Variants in SGCD observed in about 807,000 individuals in gnomAD.
SGCD encodes sarcoglycan delta.
SGCD carries 18 observed loss-of-function variants against 36.6 expected under a neutral mutation model. The observed-to-expected ratio is 0.49, with a 90% CI of 0.34 to 0.73. The LOEUF (loss-of-function observed/expected upper bound fraction) is 0.73, where lower values mean the gene tolerates loss of function less well. Ranked by LOEUF, SGCD falls within the 30% of genes least tolerant of loss-of-function variation. The pLI is 0.01. For synonymous variants in SGCD, 133 were observed against 130.6 expected, an observed-to-expected ratio of 1.02 and a Z score of -0.12; for missense variants, 387 against 346.7, an observed-to-expected ratio of 1.12 and a Z score of -0.92.
At chr5:156,672,220 G>C (rs1753326648) in intron 7 of SGCD, among the ~76,000 whole-genome samples, 1 of 152,166 alleles carries the variant, frequency 6.6e-6, no homozygotes, top group East Asian at 1.9e-4. Flanking sequence ...TCATATTGGA[G>C]TGTTGGAGGT....
chr5:156,722,611 A>G (rs1755564842), intron 7 of SGCD, among the ~76,000 whole-genome samples: 1 of 152,350 alleles, frequency 6.6e-6, no homozygotes, highest in South Asian at 2.1e-4. Flanking sequence ...CTAAAATACA[A>G]TGTGTACTTT....
Position 156,761,650 on chromosome 5 carries a change from A to G in SGCD, c.*2260A>G, listed in dbSNP as rs1248169584. On this transcript the variant is annotated 3_prime_UTR_variant, in exon 9 of 9. Transcript: ENST00000337851. ...ATTTTTTAAAGTAGACTGTCTTTGC[A>G]TTTTGCCATCTGAAGTTCATTAATC... 1.3e-5 allele frequency: 2 copies of G among 152,186 alleles called. No individual in the cohort carries two copies. The highest frequency in any genetic ancestry group is 2.9e-5 in the Non-Finnish European group (2 of 68,034). The allele number at this position is 152,186 out of a possible 1,614,324, so 9.4% of individuals were successfully genotyped here. A position where few individuals can be genotyped will look rare whatever the true frequency, so the allele number is the denominator to read the frequency against.
intron 1 of SGCD, among the ~76,000 whole-genome samples, chr5:155,974,885 C>A (rs921232468): frequency 6.6e-5 from 10 of 151,986 alleles, no homozygotes; most frequent in Non-Finnish European, 1.3e-4. Flanking sequence ...ACCTCTCTAA[C>A]CCCCCATCCT....
chr5:156,118,333 C>A (rs986010895), intron 2 of SGCD, among the ~76,000 whole-genome samples: 4 of 152,072 alleles, frequency 2.6e-5, no homozygotes, highest in African/African-American at 9.7e-5. Flanking sequence ...ATCATACATA[C>A]TCTTACTGTT....
intron 3 of SGCD, among the ~76,000 whole-genome samples, chr5:156,504,284 A>G (rs1756592689): frequency 6.6e-6 from 1 of 151,614 alleles, no homozygotes; most frequent in African/African-American, 2.4e-5. Flanking sequence ...AGACATACAA[A>G]GTATTAAATA....
At chr5:156,280,364 A>G (rs1392264986) in intron 3 of SGCD, among the ~76,000 whole-genome samples, 2 of 152,200 alleles carry the variant, frequency 1.3e-5, no homozygotes, top group Non-Finnish European at 2.9e-5. Flanking sequence ...AACAATGTAC[A>G]ATGAGAATGG....
chr5:156,415,560 G>T (rs1467538785), intron 3 of SGCD, among the ~76,000 whole-genome samples: 1 of 152,138 alleles, frequency 6.6e-6, no homozygotes, highest in African/African-American at 2.4e-5. Context: ...TCACATCCTT[G>T]ACTGGTCTTG....
At chr5:155,787,303 T>C in the SGCD span, among the ~76,000 whole-genome samples, 1 of 152,320 alleles carries the variant, frequency 6.6e-6, no homozygotes, top group East Asian at 1.9e-4. Context: ...AAGGGAATAC[T>C]GCACATGCCT....
intron 3 of SGCD, among the ~76,000 whole-genome samples, chr5:156,278,717 G>T (rs1217549861): frequency 6.6e-6 from 1 of 152,160 alleles, no homozygotes; most frequent in Non-Finnish European, 1.5e-5. Context: ...TTTCATTGCA[G>T]TGTAACTGCA....
At chr5:156,059,459 A>G (rs949166874) in intron 1 of SGCD, among the ~76,000 whole-genome samples, 16 of 146,460 alleles carry the variant, frequency 1.1e-4, no homozygotes, top group African/African-American at 3.9e-4. Flanking sequence ...TGCATTAGAA[A>G]TCCAAGATTG....
chr5:155,894,311 G>A (rs758674349), intron 1 of SGCD, among the ~76,000 whole-genome samples: 2 of 151,872 alleles, frequency 1.3e-5, no homozygotes, highest in Non-Finnish European at 2.9e-5. Context: ...GAAATTTTTC[G>A]GCTCCATTAT....
the SGCD span, among the ~76,000 whole-genome samples, chr5:155,728,008 A>G: frequency 6.6e-6 from 1 of 150,874 alleles, no homozygotes; most frequent in Non-Finnish European, 1.5e-5. Flanking sequence ...AGCTCCCCCC[A>G]CCCCGCCCGC....
At chr5:156,179,758 G>A (rs1240480390) in intron 3 of SGCD, among the ~76,000 whole-genome samples, 1 of 151,794 alleles carries the variant, frequency 6.6e-6, no homozygotes. Flanking sequence ...CCAGTAGTTG[G>A]AATTACAAGT....
At chr5:156,372,255 G>A (rs1364059532) in intron 3 of SGCD, among the ~76,000 whole-genome samples, 1 of 152,160 alleles carries the variant, frequency 6.6e-6, no homozygotes, top group South Asian at 2.1e-4. Flanking sequence ...AAGAGGTATG[G>A]TATCGTGGGA....
At chr5:156,187,336 G>A (rs148086718) in intron 3 of SGCD, among the ~76,000 whole-genome samples, 4 of 152,052 alleles carry the variant, frequency 2.6e-5, no homozygotes, top group African/African-American at 4.8e-5. Context: ...TTTTGATGGA[G>A]GAGGGACCAA....
intron 4 of SGCD, among the ~76,000 whole-genome samples, chr5:156,558,379 T>G (rs1309913773): frequency 6.6e-6 from 1 of 151,954 alleles, no homozygotes; most frequent in Non-Finnish European, 1.5e-5. Context: ...GTATCCAACA[T>G]TTTATGGCCA....
intron 7 of SGCD, among the ~76,000 whole-genome samples, chr5:156,754,667 G>C (rs1757272423): frequency 6.6e-6 from 1 of 152,166 alleles, no homozygotes; most frequent in Admixed American, 6.5e-5. Flanking sequence ...CATTTTACTA[G>C]GAGTATAACC....
chr5:156,463,771 G>T (rs1404269374), intron 3 of SGCD, among the ~76,000 whole-genome samples: 1 of 152,156 alleles, frequency 6.6e-6, no homozygotes, highest in African/African-American at 2.4e-5. Flanking sequence ...CAGACGGGAG[G>T]ATTGCTTTAG....
intron 1 of SGCD, among the ~76,000 whole-genome samples, chr5:155,900,889 A>C (rs189139527): frequency 6.6e-6 from 1 of 152,178 alleles, no homozygotes; most frequent in African/African-American, 2.4e-5. Flanking sequence ...AAATATGTGC[A>C]CACTCATGTT....
Sources: allele counts gnomAD v4.1 joint callset (sites outside exome capture counted in the v4.1 genomes callset), GRCh38; gene constraint gnomAD v4.1.1; transcripts MANE v1.5; gene names NCBI Gene and HGNC (gene_info 2026-07-23, HGNC 2026-07-21).